The following ATP8A2 variants were observed in gnomAD, a reference collection of about 807,000 sequenced individuals.
ATP8A2 encodes the protein ATPase phospholipid transporting 8A2, also known as phospholipid-transporting ATPase IB.
ATP8A2 carries 100 observed loss-of-function variants against 165.6 expected under a neutral mutation model. The observed-to-expected ratio is 0.60, with a 90% CI of 0.51 to 0.71. The LOEUF (loss-of-function observed/expected upper bound fraction) is 0.71. Ranked by LOEUF, ATP8A2 falls within the 30% of genes least tolerant of loss-of-function variation. ATP8A2 has a pLI of 0.00. For synonymous variants in ATP8A2, 543 were observed against 548.8 expected (o/e 0.99, Z 0.15); for missense variants, 1,227 against 1,479.5 (o/e 0.83, Z 2.80).
chr13:25,560,679 G>A, intron 15 of ATP8A2, among the ~76,000 whole-genome samples: 1 of 119,652 alleles, frequency 8.4e-6, no homozygotes. Flanking sequence ...CAGCCTGAGT[G>A]ACAGAGTGAG....
chr13:25,749,931 A>G (rs1271607828), intron 25 of ATP8A2, among the ~76,000 whole-genome samples: 4 of 152,138 alleles, frequency 2.6e-5, no homozygotes, highest in East Asian at 1.9e-4. Flanking sequence ...GGAGGCTGAG[A>G]TGGGGGATTG....
intron 33 of ATP8A2, among the ~76,000 whole-genome samples, chr13:25,934,220 T>C (rs948181015): frequency 6.6e-6 from 1 of 152,240 alleles, no homozygotes; most frequent in African/African-American, 2.4e-5. Context: ...ATAGGATTTC[T>C]AGTATGTACG....
intron 24 of ATP8A2, among the ~76,000 whole-genome samples, chr13:25,597,107 G>A (rs760100567): frequency 6.6e-6 from 1 of 151,990 alleles, no homozygotes; most frequent in Non-Finnish European, 1.5e-5. Flanking sequence ...CATGTTATAT[G>A]CTTTTTAAAA....
intron 1 of ATP8A2, among the ~76,000 whole-genome samples, chr13:25,395,689 C>G (rs2033397865): frequency 6.6e-6 from 1 of 152,078 alleles, no homozygotes; most frequent in Admixed American, 6.5e-5. Context: ...GCATGTGCCA[C>G]CATGCTTGGC....
chr13:25,562,450 G>A (rs1044668116), intron 15 of ATP8A2, among the ~76,000 whole-genome samples: 2 of 152,190 alleles, frequency 1.3e-5, no homozygotes, highest in African/African-American at 4.8e-5. Context: ...TGTGTGTGGA[G>A]TGGGGCCACT....
At chr13:25,829,723 ACC>A (rs1219595411) in intron 28 of ATP8A2, among the ~76,000 whole-genome samples, 1 of 74,830 alleles carries the variant, frequency 1.3e-5, no homozygotes, top group Non-Finnish European at 2.7e-5. Context: ...TATATATATC[ACC>A]TGCTTATAGT....
chr13:25,952,453 T>C (rs931690882), intron 33 of ATP8A2, among the ~76,000 whole-genome samples: 98 of 151,876 alleles, frequency 6.5e-4, no homozygotes, highest in African/African-American at 2.3e-3. Context: ...CAATCATAGC[T>C]CACTTCAACC....
intron 32 of ATP8A2, among the ~76,000 whole-genome samples, chr13:25,861,953 A>G (rs910965582): frequency 1.3e-5 from 2 of 152,254 alleles, no homozygotes; most frequent in African/African-American, 4.8e-5. Context: ...CTCTGTTACC[A>G]GATTAATGAG....
chr13:25,417,873 C>G (rs1405497150), intron 1 of ATP8A2, among the ~76,000 whole-genome samples: 1 of 152,208 alleles, frequency 6.6e-6, no homozygotes, highest in African/African-American at 2.4e-5. Context: ...AACAGATATA[C>G]AGTGGACACA....
intron 1 of ATP8A2, 190 bp from the exon 2 acceptor site, chr13:25,468,787 G>A: frequency 5.1e-6 from 5 of 976,130 alleles, no homozygotes; most frequent in Non-Finnish European, 6.1e-6. Context: ...GCCGGGGGCG[G>A]GGCCGGCCTT....
chr13:25,545,590 G>A (rs552031015), intron 10 of ATP8A2, among the ~76,000 whole-genome samples: 151 of 152,192 alleles, frequency 9.9e-4, no homozygotes, highest in African/African-American at 3.3e-3. Context: ...CTTGCTGCAC[G>A]CTTTGGGAGC....
intron 25 of ATP8A2, among the ~76,000 whole-genome samples, chr13:25,760,896 TTAAA>T (rs2044366559): frequency 6.6e-6 from 1 of 152,248 alleles, no homozygotes; most frequent in Admixed American, 6.5e-5. Flanking sequence ...TTATACCCTG[TTAAA>T]TAATTTTTGT....
chr13:25,495,299 G>T (rs1231805098), intron 2 of ATP8A2, among the ~76,000 whole-genome samples: 1 of 152,148 alleles, frequency 6.6e-6, no homozygotes, highest in Non-Finnish European at 1.5e-5. Context: ...ATGAGTCCAA[G>T]AAGCAGCAGG....
chr13:25,578,172 G>A (rs1593572830), intron 20 of ATP8A2, among the ~76,000 whole-genome samples: 1 of 152,198 alleles, frequency 6.6e-6, no homozygotes, highest in Admixed American at 6.5e-5. Flanking sequence ...TGTTGCAAAG[G>A]TGTGTTGTAT....
At chr13:25,889,245 C>CATATATATATATATGTATATAT (rs1953269846) in intron 33 of ATP8A2, among the ~76,000 whole-genome samples, 1 of 109,972 alleles carries the variant, frequency 9.1e-6, no homozygotes, top group African/African-American at 4.3e-5. Context: ...CATCCTTTGT[C>CATATATATATATATGTATATAT]ATATATATAT....
intron 27 of ATP8A2, among the ~76,000 whole-genome samples, chr13:25,777,558 G>A (rs999330868): frequency 1.3e-5 from 2 of 151,968 alleles, no homozygotes; most frequent in Admixed American, 6.5e-5. Flanking sequence ...CTCAAGGAGC[G>A]ATTCTTTACA....
At chr13:25,455,292 G>A (rs528377856) in intron 1 of ATP8A2, among the ~76,000 whole-genome samples, 3 of 152,274 alleles carry the variant, frequency 2.0e-5, no homozygotes, top group African/African-American at 4.8e-5. Flanking sequence ...ATGTAGAGTC[G>A]AGTGTGCCAT....
intron 24 of ATP8A2, among the ~76,000 whole-genome samples, chr13:25,641,881 T>C (rs1420442890): frequency 6.6e-6 from 1 of 151,850 alleles, no homozygotes; most frequent in African/African-American, 2.4e-5. Flanking sequence ...CAAAACAGCA[T>C]GGTACTGGTA....
chr13:25,416,356 C>T (rs1428768109), intron 1 of ATP8A2, among the ~76,000 whole-genome samples: 2 of 152,162 alleles, frequency 1.3e-5, no homozygotes, highest in Non-Finnish European at 2.9e-5. Flanking sequence ...TGGCAGCCTG[C>T]AGATGGTAAG....
Sources: allele counts gnomAD v4.1 joint callset (sites outside exome capture counted in the v4.1 genomes callset), GRCh38; gene constraint gnomAD v4.1.1; transcripts MANE v1.5; gene names NCBI Gene and HGNC (gene_info 2026-07-23, HGNC 2026-07-21).